Variants in SH3PXD2A observed in about 807,000 individuals in gnomAD.
SH3PXD2A encodes SH3 and PX domains 2A.
In SH3PXD2A, 32 loss-of-function variants were observed where a neutral mutation model predicts 115.2. That is an observed-to-expected ratio of 0.28 (90% CI 0.21 to 0.37). SH3PXD2A has a LOEUF of 0.37. Among genes scored for constraint, SH3PXD2A ranks in the 10% least tolerant of loss-of-function variants. The pLI is 1.00. For missense variants in SH3PXD2A, 1,328 were observed against 1,498.7 expected (o/e 0.89, Z 1.88); for synonymous variants, 610 against 629.1 (o/e 0.97, Z 0.45).
intron 6 of SH3PXD2A, among the ~76,000 whole-genome samples, chr10:103,689,383 A>AG (rs2037719466): frequency 1.3e-5 from 2 of 152,298 alleles, no homozygotes; most frequent in South Asian, 4.2e-4. Flanking sequence ...ATGACTTCTC[A>AG]GCCAGGCACA....
chr10:103,748,594 G>A (rs572119883), intron 3 of SH3PXD2A, among the ~76,000 whole-genome samples: 7 of 152,338 alleles, frequency 4.6e-5, no homozygotes, highest in East Asian at 1.9e-4. Context: ...ATAGGCACAC[G>A]CAGGAGGGAG....
chr10:103,679,149 C>T (rs2037578125), intron 6 of SH3PXD2A, among the ~76,000 whole-genome samples: 1 of 152,196 alleles, frequency 6.6e-6, no homozygotes, highest in Non-Finnish European at 1.5e-5. Context: ...TCAGAGACCC[C>T]TACATGGCGT....
At chr10:103,632,298 C>T (rs905042225) in intron 8 of SH3PXD2A, among the ~76,000 whole-genome samples, 15 of 152,216 alleles carry the variant, frequency 9.9e-5, no homozygotes, top group African/African-American at 1.4e-4. Context: ...GGAAGCCCCA[C>T]GGGGCTCACT....
chr10:103,611,657 A>G (rs1009050010), intron 12 of SH3PXD2A, 27 bp from the exon 13 acceptor site: 3 of 1,605,006 alleles, frequency 1.9e-6, no homozygotes, highest in Non-Finnish European at 1.7e-6. Context: ...GGCTTCAGAA[A>G]TCCTAGTCAG....
chr10:103,638,583 C>A (rs372301590), intron 8 of SH3PXD2A, among the ~76,000 whole-genome samples: 83 of 152,360 alleles, frequency 5.4e-4, no homozygotes, highest in Middle Eastern at 6.8e-3. Context: ...GGATTGAGGC[C>A]CAGCTCTGCT....
At chr10:103,733,247 C>G (rs2038343899) in intron 4 of SH3PXD2A, among the ~76,000 whole-genome samples, 1 of 152,162 alleles carries the variant, frequency 6.6e-6, no homozygotes, top group Non-Finnish European at 1.5e-5. Flanking sequence ...CACTGGAGCT[C>G]CAGAGCCCCT....
intron 11 of SH3PXD2A, among the ~76,000 whole-genome samples, chr10:103,616,817 G>A (rs1165502154): frequency 4.6e-5 from 7 of 150,782 alleles, no homozygotes; most frequent in African/African-American, 1.5e-4. Flanking sequence ...GCCTGCGGAC[G>A]CCAGTGCTCC....
chr10:103,728,181 C>A (rs536803942), intron 4 of SH3PXD2A, among the ~76,000 whole-genome samples: 1 of 152,328 alleles, frequency 6.6e-6, no homozygotes, highest in South Asian at 2.1e-4. Flanking sequence ...TGGGTCCTGG[C>A]TCTGCCATTT....
intron 5 of SH3PXD2A, among the ~76,000 whole-genome samples, chr10:103,722,657 A>C (rs902868251): frequency 6.6e-6 from 1 of 150,704 alleles, no homozygotes; most frequent in African/African-American, 2.4e-5. Flanking sequence ...TTTCTCTCTA[A>C]ATGTAGAAAC....
Position 103,785,673 on chromosome 10 carries a change from G to A in SH3PXD2A, c.153+15609C>T, listed in dbSNP as rs375266429. Among the ~76,000 whole-genome samples, 214 of 152,070 alleles carry A rather than the reference G, an allele frequency of 1.4e-3. 2 individuals are homozygous for A. Among genetic ancestry groups the A allele is most frequent in the African/African-American group, 4.7e-3 (197 of 41,490 alleles). ...GCGCGTCTGTACGTGAGCCACTCTC[G>A]GGAAAGCTGCCTCCCCATCCCCACA... On this transcript the variant is annotated intron_variant, in intron 2 of 14. Transcript: ENST00000369774.
At chr10:103,700,562 G>C (rs777399466) in intron 5 of SH3PXD2A, among the ~76,000 whole-genome samples, 1 of 152,216 alleles carries the variant, frequency 6.6e-6, no homozygotes, top group Non-Finnish European at 1.5e-5. Flanking sequence ...ATTCCAAGGA[G>C]TCCCACCTAG....
chr10:103,722,486 G>A (rs2038194076), intron 5 of SH3PXD2A, among the ~76,000 whole-genome samples: 1 of 151,876 alleles, frequency 6.6e-6, no homozygotes, highest in Admixed American at 6.6e-5. Context: ...ATTTTTTGTA[G>A]AGACAAGGTC....
At chr10:103,832,712 T>C (rs986031194) in intron 1 of SH3PXD2A, among the ~76,000 whole-genome samples, 1 of 151,998 alleles carries the variant, frequency 6.6e-6, no homozygotes, top group Non-Finnish European at 1.5e-5. Flanking sequence ...ATGAGAACAC[T>C]TGGACACAGG....
intron 3 of SH3PXD2A, among the ~76,000 whole-genome samples, chr10:103,740,363 C>T (rs749855745): frequency 1.9e-4 from 29 of 152,136 alleles, no homozygotes; most frequent in Non-Finnish European, 3.8e-4. Context: ...TGAGAGCCAC[C>T]GTGAGGACTT....
chr10:103,635,548 C>G (rs1008798794), intron 8 of SH3PXD2A, among the ~76,000 whole-genome samples: 1 of 152,240 alleles, frequency 6.6e-6, no homozygotes, highest in African/African-American at 2.4e-5. Flanking sequence ...TGCTCATTCC[C>G]TTGAATGGGA....
At chr10:103,752,694 G>A (rs1048643676) in intron 3 of SH3PXD2A, among the ~76,000 whole-genome samples, 3 of 152,156 alleles carry the variant, frequency 2.0e-5, no homozygotes, top group African/African-American at 4.8e-5. Flanking sequence ...CTCAGTTTTC[G>A]TGTCACATAG....
At chr10:103,659,050 A>G (rs2037252727) in intron 8 of SH3PXD2A, among the ~76,000 whole-genome samples, 1 of 152,190 alleles carries the variant, frequency 6.6e-6, no homozygotes, top group Non-Finnish European at 1.5e-5. Context: ...GGCCACCTCT[A>G]ACAGCCATCA....
At chr10:103,639,120 G>C (rs1386318575) in intron 8 of SH3PXD2A, among the ~76,000 whole-genome samples, 1 of 152,192 alleles carries the variant, frequency 6.6e-6, no homozygotes, top group Non-Finnish European at 1.5e-5. Context: ...GGGTGCGGCA[G>C]GGCGACCCAG....
chr10:103,797,075 G>A (rs1365648124), intron 2 of SH3PXD2A, among the ~76,000 whole-genome samples: 1 of 151,986 alleles, frequency 6.6e-6, no homozygotes, highest in African/African-American at 2.4e-5. Context: ...CATTGCCCAG[G>A]CTGGTCTTGA....
Sources: gnomAD v4.1 joint callset for allele counts (sites outside exome capture counted in the v4.1 genomes callset) on GRCh38, gnomAD v4.1.1 for gene constraint, MANE v1.5 for transcripts, NCBI Gene and HGNC (gene_info 2026-07-23, HGNC 2026-07-21) for gene names.